TMEM132C: variants seen among roughly 807,000 people sequenced by gnomAD.
TMEM132C encodes protein phosphatase 1, regulatory subunit 152.
Under a neutral mutation model 61.4 loss-of-function variants are expected in TMEM132C, and 29 were observed. That is an observed-to-expected ratio of 0.47 (90% CI 0.35 to 0.64). The LOEUF (loss-of-function observed/expected upper bound fraction) is 0.64, where lower values mean the gene tolerates loss of function less well. Ranked by LOEUF, TMEM132C falls within the 30% of genes least tolerant of loss-of-function variation. TMEM132C has a pLI of 0.00. For synonymous variants in TMEM132C, 656 were observed against 633.1 expected (o/e 1.04, Z -0.54); for missense variants, 1,408 against 1,476.9 (o/e 0.95, Z 0.76).
At chr12:128,587,311 A>G (rs1875585503) in intron 3 of TMEM132C, among the ~76,000 whole-genome samples, 1 of 152,204 alleles carries the variant, frequency 6.6e-6, no homozygotes, top group South Asian at 2.1e-4. Flanking sequence ...GACATTCTGT[A>G]TCCGGTGAGG....
intron 2 of TMEM132C, among the ~76,000 whole-genome samples, chr12:128,449,971 C>T (rs867938423): frequency 1.1e-4 from 17 of 152,288 alleles, no homozygotes; most frequent in Middle Eastern, 6.8e-3. Flanking sequence ...GAAGATTTGA[C>T]GATCCCAGCC....
intron 1 of TMEM132C, among the ~76,000 whole-genome samples, chr12:128,340,860 C>CCTTT (rs1872945435): frequency 9.8e-6 from 1 of 101,826 alleles, no homozygotes; most frequent in Admixed American, 9.9e-5. Flanking sequence ...TTTCTTTCTT[C>CCTTT]CTTCCTTCCT....
At chr12:128,561,197 C>T (rs1031544927) in intron 3 of TMEM132C, among the ~76,000 whole-genome samples, 1 of 152,230 alleles carries the variant, frequency 6.6e-6, no homozygotes, top group Admixed American at 6.5e-5. Flanking sequence ...CAATGTTGTA[C>T]TAGGCACTGC....
intron 4 of TMEM132C, among the ~76,000 whole-genome samples, chr12:128,635,156 A>G (rs1277726827): frequency 6.6e-6 from 1 of 152,228 alleles, no homozygotes; most frequent in Non-Finnish European, 1.5e-5. Context: ...ATTATCTCCA[A>G]TACATGCTTT....
rs751246246 is a variant in TMEM132C at position 128,357,692 on chromosome 12, CAAA to C, written c.86-57024_86-57022del. ...CCTGGGCAACAGTGAGACTCCGTCT[CAAA>C]AAAAAAAAAAAAAAAGAAAAAGAAG... On this transcript the variant is annotated intron_variant, in intron 1 of 8. Transcript: ENST00000435159. Among the ~76,000 whole-genome samples the C allele has an allele frequency of 1.0e-2, 711 of 71,286 alleles. 3 individuals are homozygous for C. Among genetic ancestry groups the C allele is most frequent in the African/African-American group, 0.03 (657 of 21,546 alleles). 46.8% of individuals were successfully genotyped at this position (71,286 alleles called of 152,430 possible).
chr12:128,334,562 T>C (rs1488215635), intron 1 of TMEM132C, among the ~76,000 whole-genome samples: 1 of 152,206 alleles, frequency 6.6e-6, no homozygotes, highest in Non-Finnish European at 1.5e-5. Context: ...CCCACTAGTT[T>C]CTTGAAATAA....
intron 1 of TMEM132C, among the ~76,000 whole-genome samples, chr12:128,314,852 C>T (rs1006032690): frequency 6.6e-6 from 1 of 152,134 alleles, no homozygotes; most frequent in African/African-American, 2.4e-5. Flanking sequence ...TTGTTTTAAG[C>T]CACTCAGTGT....
chr12:128,418,799 C>G (rs1222292518), intron 2 of TMEM132C, among the ~76,000 whole-genome samples: 1 of 152,206 alleles, frequency 6.6e-6, no homozygotes, highest in African/African-American at 2.4e-5. Context: ...TTTTCAAAGG[C>G]AAGGAAGTTC....
intron 2 of TMEM132C, among the ~76,000 whole-genome samples, chr12:128,458,177 TA>T (rs11296758): frequency 0.018 from 2,748 of 148,750 alleles, 85 homozygotes; most frequent in African/African-American, 0.063. Context: ...ATAATTAGAA[TA>T]TCTCATATTT....
chr12:128,320,840 G>A (rs1399411275), intron 1 of TMEM132C, among the ~76,000 whole-genome samples: 4 of 151,424 alleles, frequency 2.6e-5, no homozygotes, highest in Middle Eastern at 3.4e-3. Flanking sequence ...AAAAGGTGAA[G>A]ATATCAACAT....
chr12:128,423,221 G>A (rs1869053038), intron 2 of TMEM132C, among the ~76,000 whole-genome samples: 1 of 152,174 alleles, frequency 6.6e-6, no homozygotes, highest in African/African-American at 2.4e-5. Flanking sequence ...AAATAAGAGA[G>A]CAAGGAGCTG....
At chr12:128,587,769 G>A (rs1875603484) in intron 3 of TMEM132C, among the ~76,000 whole-genome samples, 1 of 152,178 alleles carries the variant, frequency 6.6e-6, no homozygotes. Flanking sequence ...CTTTCAAAGT[G>A]ATGCATTGAT....
intron 3 of TMEM132C, among the ~76,000 whole-genome samples, chr12:128,608,153 G>T (rs1876491823): frequency 6.6e-6 from 1 of 152,214 alleles, no homozygotes; most frequent in South Asian, 2.1e-4. Context: ...TTAAACAGGA[G>T]AAATAGTTGT....
intron 4 of TMEM132C, among the ~76,000 whole-genome samples, chr12:128,650,744 C>G (rs1355299350): frequency 4.6e-5 from 7 of 152,114 alleles, no homozygotes; most frequent in Non-Finnish European, 1.0e-4. Flanking sequence ...AAAAAAAAGT[C>G]ATTGCTGGCC....
intron 4 of TMEM132C, among the ~76,000 whole-genome samples, chr12:128,666,629 G>A (rs80060423): frequency 0.056 from 8,577 of 152,206 alleles, 709 homozygotes; most frequent in African/African-American, 0.18. Flanking sequence ...AGCAAGGAGC[G>A]GAATCCAGGA....
At position 128,580,991 on chromosome 12, in the gene TMEM132C, C is replaced by T. The variant is rs79361462; in HGVS notation, c.1122-35161C>T. Among the ~76,000 whole-genome samples, 123 of 152,116 alleles carry T rather than the reference C, an allele frequency of 8.1e-4. No individual in the cohort carries two copies. In the East Asian group the frequency reaches 0.019, roughly 24 times the overall value. On this transcript the variant is annotated intron_variant, in intron 3 of 8. Coordinates refer to ENST00000435159, the MANE Select transcript of TMEM132C (RefSeq NM_001136103.3). The stretch of plus-strand genomic sequence containing the variant: ...AATTGTGACAATGAAAAATGTCCTG[C>T]GGGGGGAAAAATTGCCCTTGGTTGA...
chr12:128,670,936 T>C (rs1165008076), intron 5 of TMEM132C, among the ~76,000 whole-genome samples: 1 of 152,174 alleles, frequency 6.6e-6, no homozygotes, highest in Non-Finnish European at 1.5e-5. Context: ...CAACCTTGTT[T>C]TTCAAGGTTA....
intron 1 of TMEM132C, among the ~76,000 whole-genome samples, chr12:128,365,448 CTAATA>C (rs1333155112): frequency 6.6e-6 from 1 of 152,104 alleles, no homozygotes; most frequent in African/African-American, 2.4e-5. Flanking sequence ...TATTATAGTT[CTAATA>C]TGCTATTATT....
At chr12:128,456,858 T>G (rs1260783664) in intron 2 of TMEM132C, among the ~76,000 whole-genome samples, 1 of 152,214 alleles carries the variant, frequency 6.6e-6, no homozygotes, top group Non-Finnish European at 1.5e-5. Flanking sequence ...CTGATTTCTA[T>G]CACCATGGTT....
Sources: allele counts gnomAD v4.1 joint callset (sites outside exome capture counted in the v4.1 genomes callset), GRCh38; gene constraint gnomAD v4.1.1; transcripts MANE v1.5; gene names NCBI Gene and HGNC (gene_info 2026-07-23, HGNC 2026-07-21).